IQCM: variants seen among roughly 807,000 people sequenced by gnomAD.
IQCM encodes IQ motif containing M, also known as IQ domain-containing protein M.
IQCM carries 45 observed loss-of-function variants against 57.6 expected under a neutral mutation model. The ratio of observed to expected loss-of-function variants is 0.78; its 90% CI spans 0.62 to 1.00. The LOEUF is 1.00. Among genes scored for constraint, IQCM ranks in the 50% least tolerant of loss-of-function variants. The pLI is 0.00. For synonymous variants in IQCM, 148 were observed against 158.9 expected (o/e 0.93, Z 0.51); for missense variants, 468 against 511.6 (o/e 0.91, Z 0.82).
intron 13 of IQCM, among the ~76,000 whole-genome samples, chr4:149,367,273 T>C (rs1729909736): frequency 6.6e-6 from 1 of 152,004 alleles, no homozygotes; most frequent in South Asian, 2.1e-4. Context: ...TTATTATATG[T>C]ATGCCCTGTA....
chr4:149,581,290 C>T (rs2149985122), intron 9 of IQCM, among the ~76,000 whole-genome samples: 1 of 147,704 alleles, frequency 6.8e-6, no homozygotes, highest in South Asian at 2.1e-4. Context: ...TACATATATA[C>T]ACATGTATAT....
intron 11 of IQCM, among the ~76,000 whole-genome samples, chr4:149,550,462 G>A (rs1488281096): frequency 6.6e-6 from 1 of 152,076 alleles, no homozygotes; most frequent in African/African-American, 2.4e-5. Flanking sequence ...TTCTCCTTGA[G>A]AAATCCTTGA....
intron 7 of IQCM, among the ~76,000 whole-genome samples, chr4:149,668,073 A>G (rs1425391613): frequency 6.6e-6 from 1 of 152,142 alleles, no homozygotes; most frequent in African/African-American, 2.4e-5. Flanking sequence ...GGAAATACAG[A>G]GAACACCACA....
intron 12 of IQCM, among the ~76,000 whole-genome samples, chr4:149,482,652 T>C (rs899211141): frequency 8.6e-5 from 13 of 151,956 alleles, no homozygotes. Flanking sequence ...TGAATAATCA[T>C]TACAACTTAT....
At chr4:149,716,328 C>T (rs1580107599) in intron 5 of IQCM, among the ~76,000 whole-genome samples, 1 of 152,190 alleles carries the variant, frequency 6.6e-6, no homozygotes, top group African/African-American at 2.4e-5. Context: ...TTGGCTGGGT[C>T]GTGACAGTGC....
At chr4:149,512,728 C>G (rs1252558383) in intron 12 of IQCM, among the ~76,000 whole-genome samples, 3 of 152,046 alleles carry the variant, frequency 2.0e-5, no homozygotes, top group Non-Finnish European at 4.4e-5. Flanking sequence ...GAGGCCCTTG[C>G]TATTTCTCAT....
chr4:149,705,845 A>G (rs754323978), intron 5 of IQCM, among the ~76,000 whole-genome samples: 4 of 151,956 alleles, frequency 2.6e-5, no homozygotes, highest in Non-Finnish European at 4.4e-5. Context: ...TTTAAAGTCA[A>G]TGCCAAAGAT....
intron 2 of IQCM, among the ~76,000 whole-genome samples, chr4:149,757,370 TAAAC>T (rs1237929118): frequency 7.8e-6 from 1 of 127,654 alleles, no homozygotes; most frequent in Non-Finnish European, 1.7e-5. Flanking sequence ...TACAAAAAAA[TAAAC>T]AGATTCTGTT....
chr4:149,440,357 C>A (rs936492469), intron 12 of IQCM, among the ~76,000 whole-genome samples: 7 of 151,836 alleles, frequency 4.6e-5, no homozygotes, highest in Non-Finnish European at 1.0e-4. Context: ...GGTTATTTTT[C>A]TATATCCTTA....
intron 7 of IQCM, among the ~76,000 whole-genome samples, chr4:149,647,392 G>A (rs914407211): frequency 9.9e-5 from 15 of 151,370 alleles, no homozygotes; most frequent in Non-Finnish European, 2.1e-4. Flanking sequence ...ATGAAAGTTT[G>A]TTGGTCATAA....
At chr4:149,481,701 G>GTTTTTTTTTTTCTTTTTTTTTTT in intron 12 of IQCM, among the ~76,000 whole-genome samples, 1 of 51,550 alleles carries the variant, frequency 1.9e-5, no homozygotes, top group Non-Finnish European at 3.7e-5. Context: ...TTCCAGTTTT[G>GTTTTTTTTTTTCTTTTTTTTTTT]TTTTTTTTTT....
At chr4:149,407,438 T>C (rs1175659738) in intron 13 of IQCM, among the ~76,000 whole-genome samples, 1 of 152,156 alleles carries the variant, frequency 6.6e-6, no homozygotes, top group African/African-American at 2.4e-5. Flanking sequence ...TAGTATACAA[T>C]GTATTCAACA....
At chr4:149,520,352 C>T (rs976825388) in intron 12 of IQCM, among the ~76,000 whole-genome samples, 2 of 151,680 alleles carry the variant, frequency 1.3e-5, no homozygotes, top group Admixed American at 6.6e-5. Flanking sequence ...ATGAAGAACA[C>T]GTTCCTGTTT....
intron 7 of IQCM, among the ~76,000 whole-genome samples, chr4:149,666,826 T>C (rs4510456): frequency 0.41 from 61,884 of 151,814 alleles, 12,974 homozygotes; most frequent in East Asian, 0.51. Flanking sequence ...TCAGATTGGG[T>C]GGAGGCCACC....
chr4:149,479,820 G>A (rs1021741244), intron 12 of IQCM, among the ~76,000 whole-genome samples: 4 of 152,156 alleles, frequency 2.6e-5, no homozygotes, highest in African/African-American at 9.7e-5. Context: ...AGTTGGGTGA[G>A]GAAGGCAGCC....
intron 13 of IQCM, among the ~76,000 whole-genome samples, chr4:149,409,586 T>A (rs1274296675): frequency 6.6e-6 from 1 of 152,230 alleles, no homozygotes; most frequent in African/African-American, 2.4e-5. Context: ...GAAATTTGTG[T>A]GGTGACATAG....
intron 7 of IQCM, among the ~76,000 whole-genome samples, chr4:149,648,434 C>T (rs574988183): frequency 6.6e-6 from 1 of 152,232 alleles, no homozygotes; most frequent in Admixed American, 6.5e-5. Context: ...TTTTCTTAAT[C>T]CAGTCTATCG....
intron 5 of IQCM, chr4:149,710,991 T>C (rs777977847): frequency 2.0e-5 from 3 of 152,094 alleles, no homozygotes; most frequent in Admixed American, 1.3e-4. Context: ...ACACAGACAC[T>C]TGGGGACATC....
rs1731091960 is a variant in IQCM, at chr4:149,381,736, T to C, written c.1391-29670A>G. Reference sequence around the variant, plus strand: ...TTCCCCCATAGTATGTATGTATGTATGTATGTATGTATGTATGTATGTATG... The same window carrying C: ...TTCCCCCATAGTATGTATGTATGTACGTATGTATGTATGTATGTATGTATG... On this transcript the variant is annotated intron_variant, in intron 13 of 13. Transcript: ENST00000636793. Among the ~76,000 whole-genome samples, 3 of 151,486 alleles carry C rather than the reference T, an allele frequency of 2.0e-5. No homozygotes were observed. The South Asian group carries it at 6.3e-4, about 32-fold the overall frequency.
Sources: gnomAD v4.1 joint callset for allele counts (sites outside exome capture counted in the v4.1 genomes callset) on GRCh38, gnomAD v4.1.1 for gene constraint, MANE v1.5 for transcripts, NCBI Gene and HGNC (gene_info 2026-07-23, HGNC 2026-07-21) for gene names.